The following PDE10A variants were observed in gnomAD, a reference collection of about 807,000 sequenced individuals.
The protein encoded by PDE10A is phosphodiesterase 10A, also known as cAMP and cAMP-inhibited cGMP 3',5'-cyclic phosphodiesterase 10A.
Under a neutral mutation model 97.7 loss-of-function variants are expected in PDE10A, and 39 were observed. That is an observed-to-expected ratio of 0.40 (90% CI 0.31 to 0.52). PDE10A has a LOEUF of 0.52. Ranked by LOEUF, PDE10A falls within the 20% of genes least tolerant of loss-of-function variation. The pLI, the probability that PDE10A is intolerant of heterozygous loss-of-function variation, is 0.56. For missense variants in PDE10A, 731 were observed against 1,047.8 expected, an observed-to-expected ratio of 0.70 and a Z score of 4.17; for synonymous variants, 371 against 376.8, an observed-to-expected ratio of 0.98 and a Z score of 0.18.
At chr6:165,983,782 A>G (rs1390231211) in intron 1 of PDE10A, among the ~76,000 whole-genome samples, 2 of 152,236 alleles carry the variant, frequency 1.3e-5, no homozygotes, top group African/African-American at 2.4e-5. Context: ...CCAAAGGGGT[A>G]AAAAACAACA....
At chr6:165,955,090 G>A (rs774296090) in intron 1 of PDE10A, among the ~76,000 whole-genome samples, 34 of 152,118 alleles carry the variant, frequency 2.2e-4, no homozygotes, top group Middle Eastern at 3.4e-3. Context: ...CAGCTCCTCC[G>A]CTGCCATCAC....
At chr6:165,623,981 C>G (rs1788269983) in intron 1 of PDE10A, among the ~76,000 whole-genome samples, 1 of 152,206 alleles carries the variant, frequency 6.6e-6, no homozygotes, top group East Asian at 1.9e-4. Context: ...TCCACAAATC[C>G]AAACTTGACA....
At chr6:165,402,546 A>G (rs1786751871) in intron 13 of PDE10A, among the ~76,000 whole-genome samples, 1 of 152,184 alleles carries the variant, frequency 6.6e-6, no homozygotes, top group African/African-American at 2.4e-5. Context: ...TTATTTGCCT[A>G]TAACACTGCG....
At chr6:165,852,227 T>G (rs1362869023) in intron 1 of PDE10A, among the ~76,000 whole-genome samples, 1 of 152,228 alleles carries the variant, frequency 6.6e-6, no homozygotes, top group Non-Finnish European at 1.5e-5. Flanking sequence ...GAGCAGCTCC[T>G]GTTCTTGAGG....
At chr6:165,953,386 T>C (rs1391981041) in intron 1 of PDE10A, among the ~76,000 whole-genome samples, 1 of 151,748 alleles carries the variant, frequency 6.6e-6, no homozygotes, top group African/African-American at 2.4e-5. Flanking sequence ...AGGTCAGGAG[T>C]TCAAGACTCA....
At chr6:165,961,356 C>T (rs1314124610) in intron 1 of PDE10A, among the ~76,000 whole-genome samples, 1 of 152,184 alleles carries the variant, frequency 6.6e-6, no homozygotes, top group Non-Finnish European at 1.5e-5. Context: ...TGGGATAATG[C>T]TTCCTACAGT....
intron 1 of PDE10A, among the ~76,000 whole-genome samples, chr6:165,589,408 T>C (rs1386084497): frequency 6.6e-6 from 1 of 152,234 alleles, no homozygotes; most frequent in Non-Finnish European, 1.5e-5. Context: ...TTAAAATGCA[T>C]TGGTTAAAAC....
rs975425600 is a variant in PDE10A at position 165,655,987 on chromosome 6, C to G, written c.865+5960G>C. Among the ~76,000 whole-genome samples the G allele has an allele frequency of 2.0e-5, 3 of 152,068 alleles. No individual in the cohort carries two copies. The highest frequency in any genetic ancestry group is 2.0e-4 in the Admixed American group (3 of 15,270). Reference sequence around the variant, plus strand: ...CTGCCCCTGTGAAGAGAGACCTGCACAGAACAAGGCAAGGAGCCACACAGC... The same window carrying G: ...CTGCCCCTGTGAAGAGAGACCTGCAGAGAACAAGGCAAGGAGCCACACAGC... On this transcript the variant is annotated intron_variant, in intron 1 of 21. Transcript: ENST00000539869. The surrounding 1 kb of genome is among the most constrained non-coding windows in gnomAD (Gnocchi z 4.5).
chr6:165,350,607 G>C (rs1782628954), intron 18 of PDE10A, among the ~76,000 whole-genome samples: 2 of 152,150 alleles, frequency 1.3e-5, no homozygotes, highest in Admixed American at 6.5e-5. Context: ...GATCTGGAAG[G>C]GGGCAGGGGC....
chr6:165,490,526 T>C (rs1012368220), intron 2 of PDE10A, among the ~76,000 whole-genome samples: 2 of 152,066 alleles, frequency 1.3e-5, no homozygotes, highest in Non-Finnish European at 2.9e-5. Context: ...ACAGGACCTA[T>C]AAAACAACAA....
chr6:165,798,836 T>C (rs942008280), intron 1 of PDE10A, among the ~76,000 whole-genome samples: 1 of 151,976 alleles, frequency 6.6e-6, no homozygotes, highest in African/African-American at 2.4e-5. Context: ...GCTTCCTGAG[T>C]AGCTGGGATT....
At chr6:165,787,372 G>A (rs942222011) in intron 1 of PDE10A, among the ~76,000 whole-genome samples, 8 of 152,154 alleles carry the variant, frequency 5.3e-5, no homozygotes, top group Non-Finnish European at 8.8e-5. Flanking sequence ...GTTACAGCCC[G>A]GGTGAGGGCC....
intron 1 of PDE10A, among the ~76,000 whole-genome samples, chr6:165,941,910 G>A (rs1783535732): frequency 6.6e-6 from 1 of 152,104 alleles, no homozygotes; most frequent in East Asian, 1.9e-4. Flanking sequence ...CTTTCTTTAA[G>A]AGCAGTCCCA....
intron 1 of PDE10A, among the ~76,000 whole-genome samples, chr6:165,825,736 T>C (rs572985978): frequency 6.6e-6 from 1 of 152,288 alleles, no homozygotes; most frequent in East Asian, 1.9e-4. Flanking sequence ...CCCTGGGGGT[T>C]ATCTGTCCTT....
chr6:165,659,320 G>A (rs1450495302), intron 1 of PDE10A, among the ~76,000 whole-genome samples: 1 of 151,986 alleles, frequency 6.6e-6, no homozygotes, highest in African/African-American at 2.4e-5. Context: ...AGACACATTT[G>A]TATGCATTTG....
At chr6:165,795,272 C>T (rs1397631195) in intron 1 of PDE10A, among the ~76,000 whole-genome samples, 3 of 152,192 alleles carry the variant, frequency 2.0e-5, no homozygotes, top group Non-Finnish European at 2.9e-5. Context: ...CCTAACATTT[C>T]CTGCTCTGTT....
chr6:165,438,547 T>C (rs1297208586), intron 5 of PDE10A, among the ~76,000 whole-genome samples: 4 of 152,244 alleles, frequency 2.6e-5, no homozygotes, highest in African/African-American at 9.6e-5. Flanking sequence ...TTAGGTTTAC[T>C]TGTATACCAC....
At chr6:165,862,304 C>G (rs1195932092) in intron 1 of PDE10A, among the ~76,000 whole-genome samples, 1 of 152,082 alleles carries the variant, frequency 6.6e-6, no homozygotes, top group Non-Finnish European at 1.5e-5. Flanking sequence ...GGCATGAAAC[C>G]AGGGAAGGTT....
At chr6:165,448,886 T>A in intron 5 of PDE10A, 42 bp downstream of exon 5, 1 of 1,264,558 alleles carries the variant, frequency 7.9e-7, no homozygotes, top group Non-Finnish European at 1.1e-6. Flanking sequence ...GCTTATGATA[T>A]TTTCTTATCT....
Sources: allele counts gnomAD v4.1 joint callset (sites outside exome capture counted in the v4.1 genomes callset), GRCh38; gene constraint gnomAD v4.1.1; non-coding constraint Gnocchi (gnomAD v3.1); transcripts MANE v1.5; gene names NCBI Gene and HGNC (gene_info 2026-07-23, HGNC 2026-07-21).